Variants in GALNT13 observed in about 807,000 individuals in gnomAD.
GALNT13 encodes the protein UDP-GalNAc:polypeptide N-acetylgalactosaminyltransferase 13.
GALNT13 carries 28 observed loss-of-function variants against 64.2 expected under a neutral mutation model. The observed-to-expected ratio is 0.44, with a 90% CI of 0.32 to 0.60. The LOEUF (loss-of-function observed/expected upper bound fraction) is 0.60. Ranked by LOEUF, GALNT13 falls within the 20% of genes least tolerant of loss-of-function variation. GALNT13 has a pLI of 0.05. For missense variants in GALNT13, 577 were observed against 669.8 expected (o/e 0.86, Z 1.53); for synonymous variants, 214 against 224.6 (o/e 0.95, Z 0.42).
the GALNT13 span, among the ~76,000 whole-genome samples, chr2:153,730,051 A>T: frequency 6.6e-6 from 1 of 151,988 alleles, no homozygotes; most frequent in African/African-American, 2.4e-5. Flanking sequence ...CACCTATCAA[A>T]TTACCAATGT....
the GALNT13 span, among the ~76,000 whole-genome samples, chr2:153,679,299 C>A: frequency 3.3e-5 from 5 of 151,982 alleles, no homozygotes; most frequent in African/African-American, 1.2e-4. Flanking sequence ...CTGTAATACT[C>A]ACAATGATTA....
At chr2:154,446,461 G>C in intron 12 of GALNT13, 1 of 1,183,800 alleles carries the variant, frequency 8.4e-7, no homozygotes, top group Non-Finnish European at 1.1e-6. Context: ...TGTGACATGT[G>C]CCTTCCATCT....
chr2:154,179,391 T>A (rs1685834633), intron 4 of GALNT13, among the ~76,000 whole-genome samples: 1 of 152,190 alleles, frequency 6.6e-6, no homozygotes. Context: ...GTTTTGCTGA[T>A]TTCATTACAA....
Position 154,301,268 on chromosome 2 carries a change from G to C in GALNT13, c.976-141G>C. The C allele has an allele frequency of 6.2e-6, 4 of 649,896 alleles. No homozygotes were observed. In the Admixed American group the frequency reaches 1.0e-4, roughly 17 times the overall value. 40.3% of individuals were successfully genotyped at this position (649,896 alleles called of 1,614,324 possible). On this transcript the variant is annotated intron_variant, in intron 8 of 12. Coordinates refer to ENST00000392825, the MANE Select transcript of GALNT13 (RefSeq NM_052917.4). Reference sequence around the variant, plus strand: ...TCCAAATTCGCATCCTTTGCCAAAAGTAAGTATAGTGTACCAGTTCTAAAT... The same window carrying C: ...TCCAAATTCGCATCCTTTGCCAAAACTAAGTATAGTGTACCAGTTCTAAAT...
chr2:153,809,219 TA>T, the GALNT13 span, among the ~76,000 whole-genome samples: 1 of 152,230 alleles, frequency 6.6e-6, no homozygotes, highest in Non-Finnish European at 1.5e-5. Flanking sequence ...CAGCCTACAT[TA>T]ATATGCACAC....
chr2:153,135,323 G>A, the GALNT13 span, among the ~76,000 whole-genome samples: 8 of 152,080 alleles, frequency 5.3e-5, no homozygotes, highest in Non-Finnish European at 7.4e-5. Context: ...TCTGGGTGTC[G>A]GGGTGGCACA....
At chr2:154,265,690 ACT>A (rs895218074) in intron 8 of GALNT13, among the ~76,000 whole-genome samples, 19 of 152,218 alleles carry the variant, frequency 1.2e-4, no homozygotes, top group African/African-American at 4.6e-4. Flanking sequence ...GAAGAGCAAA[ACT>A]CTGTCTCAAA....
In GALNT13 at chr2:154,014,635, CTT is replaced by C. The variant is rs60950180; in HGVS notation, c.142+70010_142+70011del. Among the ~76,000 whole-genome samples, 9 of 77,206 alleles carry C rather than the reference CTT, an allele frequency of 1.2e-4. 1 individual carries two copies. Among genetic ancestry groups the C allele is most frequent in the Non-Finnish European group, 1.6e-4 (6 of 37,106 alleles). The allele number at this position is 77,206 out of a possible 152,430, so 50.7% of individuals were successfully genotyped here. The stretch of plus-strand genomic sequence containing the variant: ...ACTTTTTGTCTTTCTGATAATTCTC[CTT>C]TTTTTTTTTTTTTGAGACGGAGTCT... On this transcript the variant is annotated intron_variant, in intron 3 of 12. Coordinates refer to ENST00000392825, the MANE Select transcript of GALNT13 (RefSeq NM_052917.4).
At chr2:153,161,447 G>A in the GALNT13 span, among the ~76,000 whole-genome samples, 1 of 152,220 alleles carries the variant, frequency 6.6e-6, no homozygotes, top group South Asian at 2.1e-4. Flanking sequence ...AAACATAAAA[G>A]TTAAATTTTA....
At chr2:154,237,574 A>T (rs1689261921) in intron 4 of GALNT13, among the ~76,000 whole-genome samples, 1 of 148,070 alleles carries the variant, frequency 6.8e-6, no homozygotes, top group Non-Finnish European at 1.5e-5. Flanking sequence ...ATTATTTATA[A>T]TATATAGTAT....
the GALNT13 span, among the ~76,000 whole-genome samples, chr2:153,851,424 T>C: frequency 6.6e-6 from 1 of 151,982 alleles, no homozygotes; most frequent in Non-Finnish European, 1.5e-5. Flanking sequence ...TGATATCAGA[T>C]AGAATTTTGC....
intron 3 of GALNT13, among the ~76,000 whole-genome samples, chr2:154,050,025 AAT>A (rs1187766302): frequency 6.6e-6 from 1 of 152,098 alleles, no homozygotes; most frequent in Non-Finnish European, 1.5e-5. Context: ...TTTTTGTATT[AAT>A]ATGTTATTTA....
the GALNT13 span, among the ~76,000 whole-genome samples, chr2:153,373,742 C>T: frequency 4.6e-5 from 7 of 152,118 alleles, no homozygotes; most frequent in East Asian, 1.2e-3. Context: ...CTCTCCATTT[C>T]CCTTTTCCCC....
chr2:153,090,622 A>C, the GALNT13 span, among the ~76,000 whole-genome samples: 1 of 152,126 alleles, frequency 6.6e-6, no homozygotes, highest in African/African-American at 2.4e-5. Flanking sequence ...CTGCTTTAGT[A>C]GTAGGGGGCT....
At position 153,933,279 on chromosome 2, in the gene GALNT13, G is replaced by C. The variant is rs553066903; in HGVS notation, c.-104-11115G>C. Among the ~76,000 whole-genome samples, 10 of 152,212 alleles carry C rather than the reference G, an allele frequency of 6.6e-5. No individual in the cohort carries two copies. The South Asian group carries it at 2.1e-3, about 32-fold the overall frequency. On this transcript the variant is annotated intron_variant, in intron 2 of 12. Transcript: ENST00000392825. Reference sequence around the variant, plus strand: ...AAGTCTCTTTGTAGGTTCCTAAAAAGAGAATTTCTGTGCCCCAGTGTTGGT... The same window carrying C: ...AAGTCTCTTTGTAGGTTCCTAAAAACAGAATTTCTGTGCCCCAGTGTTGGT...
intron 4 of GALNT13, among the ~76,000 whole-genome samples, chr2:154,204,761 A>G (rs1003357627): frequency 2.4e-4 from 37 of 152,130 alleles, no homozygotes; most frequent in Admixed American, 1.7e-3. Context: ...ACCACATAAA[A>G]CTTGAGTAGT....
intron 1 of GALNT13, among the ~76,000 whole-genome samples, chr2:153,884,184 G>A (rs1686976170): frequency 6.6e-6 from 1 of 151,970 alleles, no homozygotes. Context: ...TAGGAGGAAA[G>A]ATACAGAGAA....
chr2:153,219,348 A>T, the GALNT13 span, among the ~76,000 whole-genome samples: 1 of 152,214 alleles, frequency 6.6e-6, no homozygotes, highest in Non-Finnish European at 1.5e-5. Context: ...AAAATAGGAA[A>T]CTTCCATTTG....
At chr2:154,212,362 A>G (rs1482103518) in intron 4 of GALNT13, among the ~76,000 whole-genome samples, 1 of 151,802 alleles carries the variant, frequency 6.6e-6, no homozygotes, top group Non-Finnish European at 1.5e-5. Context: ...CTCCTACCTC[A>G]GCCCCCGAGT....
Sources: gnomAD v4.1 joint callset for allele counts (sites outside exome capture counted in the v4.1 genomes callset) on GRCh38, gnomAD v4.1.1 for gene constraint, MANE v1.5 for transcripts, NCBI Gene and HGNC (gene_info 2026-07-23, HGNC 2026-07-21) for gene names.